IGF2BP2: variants seen among roughly 807,000 people sequenced by gnomAD.
IGF2BP2 encodes the protein insulin like growth factor 2 mRNA binding protein 2, also known as insulin-like growth factor 2 mRNA-binding protein 2.
In IGF2BP2, 17 loss-of-function variants were observed where a neutral mutation model predicts 75.8. The observed-to-expected ratio is 0.22, with a 90% confidence interval of 0.15 to 0.34. The LOEUF is 0.34. Among genes scored for constraint, IGF2BP2 ranks in the 10% least tolerant of loss-of-function variants. IGF2BP2 has a pLI of 1.00. For synonymous variants in IGF2BP2, 288 were observed against 295.6 expected (o/e 0.97, Z 0.26); for missense variants, 516 against 772.4 (o/e 0.67, Z 3.93).
chr3:185,811,460 A>G (rs1404820979), intron 2 of IGF2BP2, among the ~76,000 whole-genome samples: 1 of 152,214 alleles, frequency 6.6e-6, no homozygotes, highest in African/African-American at 2.4e-5. Flanking sequence ...TTCAACCCAC[A>G]GCTGTCTTTT....
At chr3:185,794,263 GC>G (rs1737041281) in intron 2 of IGF2BP2, among the ~76,000 whole-genome samples, 1 of 132,944 alleles carries the variant, frequency 7.5e-6, no homozygotes, top group Non-Finnish European at 1.6e-5. Flanking sequence ...ACCACACCTG[GC>G]CCAGAGCAGA....
intron 2 of IGF2BP2, among the ~76,000 whole-genome samples, chr3:185,808,274 A>AG (rs1560504123): frequency 6.6e-6 from 1 of 151,704 alleles, no homozygotes; most frequent in African/African-American, 2.4e-5. Flanking sequence ...TCAGGAGTTC[A>AG]AGACCAGCCT....
intron 2 of IGF2BP2, among the ~76,000 whole-genome samples, chr3:185,807,141 T>A (rs1459523264): frequency 6.6e-6 from 1 of 152,184 alleles, no homozygotes; most frequent in Non-Finnish European, 1.5e-5. Context: ...GGGCAGTGTT[T>A]TAAAATTTTC....
chr3:185,718,684 CAAAAAAA>C (rs10699427), intron 2 of IGF2BP2, among the ~76,000 whole-genome samples: 21 of 49,514 alleles, frequency 4.2e-4, no homozygotes, highest in East Asian at 2.9e-3. Context: ...GACTCTGTCT[CAAAAAAA>C]AAAAAAAAAA....
rs567212393 is a variant in IGF2BP2, at chr3:185,756,109, C to T, written c.240-57762G>A. 2.0e-5 allele frequency among the ~76,000 whole-genome samples: 3 copies of T among 152,256 alleles called. No homozygotes were observed. In the South Asian group the frequency reaches 6.2e-4, roughly 32 times the overall value. On this transcript the variant is annotated intron_variant, in intron 2 of 15. Transcript: ENST00000382199. ...ATGGAGGTGGATCCTTCATGAATGG[C>T]TTAGTGCCATACCCTTACTGAAGAG...
At chr3:185,777,310 A>C (rs1198466164) in intron 2 of IGF2BP2, among the ~76,000 whole-genome samples, 1 of 152,180 alleles carries the variant, frequency 6.6e-6, no homozygotes, top group African/African-American at 2.4e-5. Flanking sequence ...TCTCTAAAAA[A>C]ATAAAAGATT....
chr3:185,665,287 AAGAAGG>A (rs1717184033), intron 10 of IGF2BP2, among the ~76,000 whole-genome samples: 1 of 92,062 alleles, frequency 1.1e-5, no homozygotes, highest in Non-Finnish European at 2.3e-5. Context: ...GGAGAAGAAG[AAGAAGG>A]AGGAGAAGGA....
chr3:185,683,632 C>T (rs1720710307), intron 7 of IGF2BP2, among the ~76,000 whole-genome samples: 1 of 152,168 alleles, frequency 6.6e-6, no homozygotes, highest in Non-Finnish European at 1.5e-5. Context: ...CAATCTCAAA[C>T]TCCTGACTCA....
chr3:185,764,120 C>T (rs1032214879), intron 2 of IGF2BP2, among the ~76,000 whole-genome samples: 21 of 151,952 alleles, frequency 1.4e-4, no homozygotes, highest in Non-Finnish European at 2.9e-4. Context: ...ATAAAAATAA[C>T]ACTTTTCTTA....
At chr3:185,794,772 T>C (rs984681869) in intron 2 of IGF2BP2, among the ~76,000 whole-genome samples, 7 of 152,104 alleles carry the variant, frequency 4.6e-5, no homozygotes, top group Non-Finnish European at 1.0e-4. Context: ...CCAGAACTTC[T>C]TTCATCTTGC....
At chr3:185,721,009 T>C (rs549842366) in intron 2 of IGF2BP2, among the ~76,000 whole-genome samples, 1 of 152,288 alleles carries the variant, frequency 6.6e-6, no homozygotes, top group African/African-American at 2.4e-5. Context: ...GTGCACACGC[T>C]TGCACACATG....
chr3:185,716,929 G>A (rs748605785), intron 2 of IGF2BP2: 3 of 429,186 alleles, frequency 7.0e-6, no homozygotes, highest in African/African-American at 6.1e-5. Context: ...CTGCTGCCCA[G>A]CCAGACTCCG....
chr3:185,710,084 A>G lies in IGF2BP2; in HGVS notation c.240-11737T>C, dbSNP rs116683145. ...CAGCAATTCTGAGAACTTAATTTCA[A>G]TAAAACAATAAAATTAGAGTTGGTT... On this transcript the variant is annotated intron_variant, in intron 2 of 15. Transcript: ENST00000382199. 2.9e-3 allele frequency among the ~76,000 whole-genome samples: 447 copies of G among 152,292 alleles called. 3 individuals are homozygous for G. Among genetic ancestry groups the G allele is most frequent in the African/African-American group, 0.01 (425 of 41,552 alleles).
chr3:185,748,423 T>C (rs1274275278), intron 2 of IGF2BP2, among the ~76,000 whole-genome samples: 2 of 152,178 alleles, frequency 1.3e-5, no homozygotes, highest in African/African-American at 4.8e-5. Context: ...GCTATTCCTA[T>C]TGTGGGAAGT....
At chr3:185,665,388 G>T in intron 10 of IGF2BP2, among the ~76,000 whole-genome samples, 1 of 134,430 alleles carries the variant, frequency 7.4e-6, no homozygotes, top group Non-Finnish European at 1.6e-5. Flanking sequence ...AGGAGGAGGA[G>T]AAGGAGGAGG....
intron 10 of IGF2BP2, among the ~76,000 whole-genome samples, chr3:185,672,285 A>G (rs925281561): frequency 6.6e-6 from 1 of 152,146 alleles, no homozygotes; most frequent in African/African-American, 2.4e-5. Flanking sequence ...TAGTTGATGA[A>G]TTTGCTATGA....
chr3:185,818,272 CA>C (rs1560519410), intron 2 of IGF2BP2, among the ~76,000 whole-genome samples: 2 of 152,084 alleles, frequency 1.3e-5, no homozygotes, highest in African/African-American at 4.8e-5. Context: ...TCTTTTGTGA[CA>C]GGGGATAGCC....
intron 4 of IGF2BP2, chr3:185,693,344 A>G (rs1722196033): frequency 6.6e-6 from 1 of 152,260 alleles, no homozygotes; most frequent in Non-Finnish European, 1.5e-5. Context: ...TCAAGGTATG[A>G]GTTTTAATTA....
intron 2 of IGF2BP2, among the ~76,000 whole-genome samples, chr3:185,802,758 T>C (rs1359604823): frequency 6.6e-6 from 1 of 152,188 alleles, no homozygotes; most frequent in South Asian, 2.1e-4. Flanking sequence ...TTTAGGTCTC[T>C]AAAAACCCTT....
Sources: gnomAD v4.1 joint callset for allele counts (sites outside exome capture counted in the v4.1 genomes callset) on GRCh38, gnomAD v4.1.1 for gene constraint, MANE v1.5 for transcripts, NCBI Gene and HGNC (gene_info 2026-07-23, HGNC 2026-07-21) for gene names.